Variants in SCYL2 observed in about 807,000 individuals in gnomAD.
SCYL2 encodes SCY1 like pseudokinase 2.
SCYL2 carries 36 observed loss-of-function variants against 100.4 expected under a neutral mutation model. That is an observed-to-expected ratio of 0.36 (90% CI 0.27 to 0.47). The LOEUF (loss-of-function observed/expected upper bound fraction) is 0.47. SCYL2 is among the 20% of genes least tolerant of loss of function. The pLI, the probability that SCYL2 is intolerant of heterozygous loss-of-function variation, is 1.00. For synonymous variants in SCYL2, 330 were observed against 359.2 expected (o/e 0.92, Z 0.92); for missense variants, 902 against 1,083.9 (o/e 0.83, Z 2.36).
intron 1 of SCYL2, among the ~76,000 whole-genome samples, chr12:100,278,788 C>G (rs2096295184): frequency 6.6e-6 from 1 of 151,914 alleles, no homozygotes; most frequent in Non-Finnish European, 1.5e-5. Flanking sequence ...TACCACCATG[C>G]CCAGTTAATT....
At chr12:100,316,595 G>A (rs1374882802) in intron 9 of SCYL2, among the ~76,000 whole-genome samples, 1 of 152,184 alleles carries the variant, frequency 6.6e-6, no homozygotes, top group Non-Finnish European at 1.5e-5. Flanking sequence ...GTATGTGGTG[G>A]TAAGGTGAGA....
At chr12:100,300,226 G>A (rs535679540) in intron 4 of SCYL2, among the ~76,000 whole-genome samples, 6 of 152,170 alleles carry the variant, frequency 3.9e-5, no homozygotes, top group African/African-American at 9.6e-5. Context: ...ATTGACTTAC[G>A]TGTGGACACA....
intron 2 of SCYL2, among the ~76,000 whole-genome samples, chr12:100,285,063 T>C (rs1412888588): frequency 1.3e-5 from 2 of 152,206 alleles, no homozygotes; most frequent in African/African-American, 2.4e-5. Flanking sequence ...TAATAACTTA[T>C]GTTCAGCATA....
intron 4 of SCYL2, among the ~76,000 whole-genome samples, chr12:100,298,898 C>G (rs571874060): frequency 6.6e-6 from 1 of 152,168 alleles, no homozygotes; most frequent in Admixed American, 6.5e-5. Flanking sequence ...TTCATATATG[C>G]TCATTTTTTC....
chr12:100,315,319 T>A (rs1045749022), intron 8 of SCYL2, among the ~76,000 whole-genome samples: 1 of 152,164 alleles, frequency 6.6e-6, no homozygotes, highest in Non-Finnish European at 1.5e-5. Context: ...AGGGTAAGTT[T>A]CCTACAGGTA....
Position 100,277,142 on chromosome 12 carries a change from CTT to C in SCYL2, c.-28-5800_-28-5799del, listed in dbSNP as rs2096293393. ...TTCAGTAGTTATAAATATTTTGAGACTTATTTCATAGCCCAACATATAGTTCA... is the reference window on the plus strand; with the variant it reads ...TTCAGTAGTTATAAATATTTTGAGACATTTCATAGCCCAACATATAGTTCA... On this transcript the variant is annotated intron_variant, in intron 1 of 17. Transcript: ENST00000360820. Among the ~76,000 whole-genome samples, 16 of 152,278 alleles carry C rather than the reference CTT, an allele frequency of 1.1e-4. No individual in the cohort carries two copies. The South Asian group carries it at 3.3e-3, about 32-fold the overall frequency.
Position 100,318,369 on chromosome 12 carries a change from C to T in SCYL2, c.1395+444C>T, listed in dbSNP as rs1453546451. Among the ~76,000 whole-genome samples the T allele has an allele frequency of 5.3e-5, 7 of 132,858 alleles. No individual in the cohort carries two copies. In the East Asian group the frequency reaches 6.5e-4, roughly 12 times the overall value. The allele number at this position is 132,858 out of a possible 152,430, so 87.2% of individuals were successfully genotyped here. A position where few individuals can be genotyped will look rare whatever the true frequency, so the allele number is the denominator to read the frequency against. On this transcript the variant is annotated intron_variant, in intron 10 of 17. Transcript: ENST00000360820. ...TTTTTGAGACTGAGTCTTGCTCTGT[C>T]GCCCAGGCTGGAGTGCAGTAGCACA...
chr12:100,341,026 TAAACAG>T lies in SCYL2; in HGVS notation c.*1858_*1863del, dbSNP rs1006030111. 10 of 152,094 alleles carry T rather than the reference TAAACAG, an allele frequency of 6.6e-5. No individual in the cohort carries two copies. The highest frequency in any genetic ancestry group is 9.7e-5 in the African/African-American group (4 of 41,448). 9.4% of individuals were successfully genotyped at this position (152,094 alleles called of 1,614,324 possible). A position where few individuals can be genotyped will look rare whatever the true frequency, so the allele number is the denominator to read the frequency against. On this transcript the variant is annotated 3_prime_UTR_variant, in exon 18 of 18. Transcript: ENST00000360820. ...TAACATGATGTTAGTGTTGAACTCT[TAAACAG>T]AAAGAAAGCTTAATATAACAGCTTA...
chr12:100,332,074 G>A (rs12372674), intron 13 of SCYL2, among the ~76,000 whole-genome samples: 18,595 of 152,156 alleles, frequency 0.12, 1,524 homozygotes, highest in Non-Finnish European at 0.18. Flanking sequence ...AAAGGGAAAA[G>A]GTTCATAGGA....
intron 13 of SCYL2, among the ~76,000 whole-genome samples, chr12:100,329,762 A>G (rs1952185209): frequency 1.3e-5 from 2 of 152,160 alleles, no homozygotes; most frequent in Admixed American, 6.5e-5. Flanking sequence ...TGCTGTAGTA[A>G]AGGACTTGGG....
intron 12 of SCYL2, among the ~76,000 whole-genome samples, chr12:100,327,607 C>G (rs758220250): frequency 6.6e-6 from 1 of 151,742 alleles, no homozygotes; most frequent in Non-Finnish European, 1.5e-5. Flanking sequence ...CTCCGCCTCC[C>G]GAGTTCAAGC....
At chr12:100,325,850 CTT>C (rs1008809835) in intron 11 of SCYL2, among the ~76,000 whole-genome samples, 12 of 151,924 alleles carry the variant, frequency 7.9e-5, no homozygotes, top group African/African-American at 2.4e-4. Context: ...TATAATATCT[CTT>C]GTGTTTTAAT....
chr12:100,289,595 A>G (rs2096308213), intron 2 of SCYL2, among the ~76,000 whole-genome samples: 1 of 152,198 alleles, frequency 6.6e-6, no homozygotes, highest in African/African-American at 2.4e-5. Flanking sequence ...TTTCTAGTAG[A>G]CTAATGCCTG....
At chr12:100,323,298 T>C (rs965019165) in intron 10 of SCYL2, among the ~76,000 whole-genome samples, 3 of 152,194 alleles carry the variant, frequency 2.0e-5, no homozygotes, top group African/African-American at 7.2e-5. Context: ...TATTATGACC[T>C]AGTATGACTT....
rs1241722999 is a variant in SCYL2, at chr12:100,267,759, C to G, written c.-62C>G. ...GTTTCGGTGGTGGAGAACGTAGTAC[C>G]TTTCGGGGACATTGGACACTACTCT... is the stretch of plus-strand genomic sequence containing the variant. On this transcript the variant is annotated 5_prime_UTR_variant, in exon 1 of 18. Transcript: ENST00000360820. 1.3e-5 allele frequency: 2 copies of G among 152,158 alleles called. No individual in the cohort carries two copies. The highest frequency in any genetic ancestry group is 4.8e-5 in the African/African-American group (2 of 41,416). 9.4% of individuals were successfully genotyped at this position (152,158 alleles called of 1,614,324 possible). A position where few individuals can be genotyped will look rare whatever the true frequency, so the allele number is the denominator to read the frequency against.
intron 4 of SCYL2, among the ~76,000 whole-genome samples, chr12:100,309,712 TA>T (rs2096339780): frequency 6.6e-6 from 1 of 152,220 alleles, no homozygotes; most frequent in African/African-American, 2.4e-5. Context: ...ACATTTTGGC[TA>T]TTGTGAATAA....
chr12:100,295,462 G>A (rs1190847787), intron 3 of SCYL2, among the ~76,000 whole-genome samples: 1 of 152,118 alleles, frequency 6.6e-6, no homozygotes, highest in African/African-American at 2.4e-5. Flanking sequence ...TCGGGAGGCC[G>A]AGGCTGGCGG....
At chr12:100,332,143 G>T (rs1952217387) in intron 13 of SCYL2, among the ~76,000 whole-genome samples, 1 of 152,172 alleles carries the variant, frequency 6.6e-6, no homozygotes, top group African/African-American at 2.4e-5. Context: ...AAATCACGCA[G>T]GATTCCCCTT....
chr12:100,338,667 C>G lies in SCYL2; in HGVS notation c.2285C>G (p.Thr762Ser), dbSNP rs1952312151. ...MGIGMMFSTP[T>S]DNTKRNLTNG... is the part of the protein sequence containing the mutation. ...ATTGGTATGATGTTTTCTACACCAA[C>G]TGATAATACAAAGAGAAATTTGACA... Residue 762 changes from threonine (T) to serine (S), a missense_variant, in exon 18 of 18, where the codon ACT (threonine) becomes AGT (serine). Transcript: ENST00000360820. 6.2e-7 allele frequency: 1 copy of G among 1,613,916 alleles called. No individual in the cohort carries two copies. Among genetic ancestry groups the G allele is most frequent in the African/African-American group, 1.3e-5 (1 of 74,912 alleles).
Sources: gnomAD v4.1 joint callset for allele counts (sites outside exome capture counted in the v4.1 genomes callset) on GRCh38, gnomAD v4.1.1 for gene constraint, MANE v1.5 for transcripts, NCBI Gene and HGNC (gene_info 2026-07-23, HGNC 2026-07-21) for gene names.